Variants in HTR7 observed in about 807,000 individuals in gnomAD.
HTR7 encodes the protein 5-hydroxytryptamine receptor 7, also known as 5-HT-7.
A neutral mutation model predicts 34.0 loss-of-function variants in HTR7; 16 were observed. The observed-to-expected ratio is 0.47, with a 90% CI of 0.32 to 0.71. The LOEUF is 0.71. HTR7 is among the 30% of genes least tolerant of loss of function. The probability of loss-of-function intolerance (pLI) is 0.04; values close to 1 mark genes in which losing one functional copy is unlikely to be tolerated. For synonymous variants in HTR7, 265 were observed against 260.2 expected (o/e 1.02, Z -0.18); for missense variants, 504 against 625.5 (o/e 0.81, Z 2.07).
chr10:90,747,155 G>C (rs1214388487), intron 2 of HTR7, among the ~76,000 whole-genome samples: 2 of 152,190 alleles, frequency 1.3e-5, no homozygotes, highest in Non-Finnish European at 2.9e-5. Flanking sequence ...AAGTGGGGAT[G>C]CTAGAAGCAC....
intron 1 of HTR7, among the ~76,000 whole-genome samples, chr10:90,810,755 C>T (rs1440517122): frequency 6.6e-6 from 1 of 152,194 alleles, no homozygotes; most frequent in East Asian, 1.9e-4. Flanking sequence ...TGACACCCAT[C>T]ACGCTCAGCA....
At chr10:90,742,596 G>T in intron 3 of HTR7, 68 bp from the exon 4 acceptor site, 1 of 1,128,286 alleles carries the variant, frequency 8.9e-7, no homozygotes, top group South Asian at 1.3e-5. Flanking sequence ...TTCATTTTGT[G>T]GTAGGTGGAC....
intron 1 of HTR7, among the ~76,000 whole-genome samples, chr10:90,832,946 T>G (rs1465927548): frequency 1.3e-5 from 2 of 152,222 alleles, no homozygotes; most frequent in African/African-American, 4.8e-5. Context: ...CCACTCCCTC[T>G]GATATCCTTC....
At chr10:90,796,668 T>C (rs1845544668) in intron 1 of HTR7, among the ~76,000 whole-genome samples, 2 of 152,118 alleles carry the variant, frequency 1.3e-5, no homozygotes, top group South Asian at 4.2e-4. Flanking sequence ...GCTATGATTG[T>C]GCCACTAGAG....
At position 90,824,002 on chromosome 10, in the gene HTR7, T is replaced by C. The variant is rs571945236; in HGVS notation, c.539+33131A>G. Among the ~76,000 whole-genome samples the C allele has an allele frequency of 1.1e-4, 16 of 152,314 alleles. No individual in the cohort carries two copies. In the East Asian group the frequency reaches 2.5e-3, roughly 24 times the overall value. Reference sequence around the variant, plus strand: ...AATTAAACCCCTTTTCTTCATAAATTACTGAGTCTCAGGTAGTTCTTTATA... The same window carrying C: ...AATTAAACCCCTTTTCTTCATAAATCACTGAGTCTCAGGTAGTTCTTTATA... On this transcript the variant is annotated intron_variant, in intron 1 of 3. Transcript: ENST00000336152.
At chr10:90,796,762 A>G (rs1227134615) in intron 1 of HTR7, among the ~76,000 whole-genome samples, 2 of 152,200 alleles carry the variant, frequency 1.3e-5, no homozygotes, top group African/African-American at 4.8e-5. Flanking sequence ...TAATCCCATC[A>G]GTATGGGAGG....
At chr10:90,802,629 C>T (rs138299691) in intron 1 of HTR7, among the ~76,000 whole-genome samples, 187 of 152,268 alleles carry the variant, frequency 1.2e-3, no homozygotes, top group Non-Finnish European at 1.1e-3. Flanking sequence ...TCCGTAATAG[C>T]GTTATAGCTA....
At chr10:90,750,973 C>T (rs535748671) in intron 1 of HTR7, among the ~76,000 whole-genome samples, 58 of 152,244 alleles carry the variant, frequency 3.8e-4, no homozygotes, top group African/African-American at 1.3e-3. Context: ...GAAAATCCTG[C>T]GTGCAGGCAA....
At chr10:90,825,108 G>A (rs1846049132) in intron 1 of HTR7, among the ~76,000 whole-genome samples, 1 of 152,206 alleles carries the variant, frequency 6.6e-6, no homozygotes, top group African/African-American at 2.4e-5. Context: ...CCAGCTCCAG[G>A]CAACTCAACA....
At chr10:90,743,714 C>G (rs1315370393) in intron 2 of HTR7, 24 bp from the exon 3 acceptor site, 1 of 1,524,478 alleles carries the variant, frequency 6.6e-7, no homozygotes, top group African/African-American at 1.4e-5. Context: ...CAATTCAAAG[C>G]AAATCCATAA....
chr10:90,742,980 G>A (rs1414848673), intron 3 of HTR7, among the ~76,000 whole-genome samples: 6 of 151,856 alleles, frequency 4.0e-5, no homozygotes, highest in Admixed American at 1.3e-4. Flanking sequence ...TCTCTCCCTC[G>A]TTCCTAGATG....
chr10:90,806,453 G>C (rs1353779187), intron 1 of HTR7, among the ~76,000 whole-genome samples: 1 of 152,078 alleles, frequency 6.6e-6, no homozygotes, highest in Non-Finnish European at 1.5e-5. Flanking sequence ...CAAAAAATTA[G>C]CCGGGCGTGG....
chr10:90,844,725 TCAAAAAAAAAAAAAAAAAAAAAAA>T (rs1267547312), intron 1 of HTR7, among the ~76,000 whole-genome samples: 339 of 27,796 alleles, frequency 0.012, 8 homozygotes, highest in Non-Finnish European at 0.021. Context: ...AGACTCCGTC[TCAAAAAAAAAAAAAAAAAAAAAAA>T]AAAAAAAAAA....
At position 90,783,377 on chromosome 10, in the gene HTR7, T is replaced by C. The variant is rs538594057; in HGVS notation, c.540-33783A>G. Reference sequence around the variant, plus strand: ...GCAGCTTCAGTCTTACTCCCCACTTTGTAAAAGCCCTGTGTTTATTTCCTG... The same window carrying C: ...GCAGCTTCAGTCTTACTCCCCACTTCGTAAAAGCCCTGTGTTTATTTCCTG... On this transcript the variant is annotated intron_variant, in intron 1 of 3. Transcript: ENST00000336152. 2.1e-3 allele frequency among the ~76,000 whole-genome samples: 326 copies of C among 152,290 alleles called. 1 individual carries two copies. Among genetic ancestry groups the C allele is most frequent in the Middle Eastern group, 0.01 (3 of 294 alleles).
At chr10:90,823,990 T>C (rs1410097188) in intron 1 of HTR7, among the ~76,000 whole-genome samples, 5 of 152,228 alleles carry the variant, frequency 3.3e-5, no homozygotes, top group Non-Finnish European at 7.3e-5. Context: ...TAAACCCCTT[T>C]TCTTCATAAA....
At chr10:90,851,303 TATC>T (rs1454648212) in intron 1 of HTR7, among the ~76,000 whole-genome samples, 4 of 151,966 alleles carry the variant, frequency 2.6e-5, no homozygotes, top group African/African-American at 7.3e-5. Context: ...TCAGTGAAAA[TATC>T]ATTCAAAAAT....
rs192525682 is a variant in HTR7 at position 90,791,046 on chromosome 10, T to C, written c.540-41452A>G. Among the ~76,000 whole-genome samples the C allele has an allele frequency of 1.8e-4, 27 of 152,210 alleles. No individual in the cohort carries two copies. The East Asian group carries it at 5.0e-3, about 28-fold the overall frequency. ...AAAACACTCCCCTTCATCTCTTCCA[T>C]ATATTTTTATCAATCCTACATATAT... On this transcript the variant is annotated intron_variant, in intron 1 of 3. Coordinates refer to ENST00000336152, the MANE Select transcript of HTR7 (RefSeq NM_019859.4).
At position 90,857,017 on chromosome 10, in the gene HTR7, A is replaced by T; in HGVS notation, c.539+116T>A. ...TTGGGGGGAGCGGTGTTTTAAGCGCAGCCCTTCATCCCGCCTTGAAGTCTA... is the reference window on the plus strand; with the variant it reads ...TTGGGGGGAGCGGTGTTTTAAGCGCTGCCCTTCATCCCGCCTTGAAGTCTA... On this transcript the variant is annotated intron_variant, in intron 1 of 3. Transcript: ENST00000336152. This position sits in a 1 kb window ranked among gnomAD's most constrained non-coding sequence, Gnocchi z 6.5. 4.2e-6 allele frequency: 4 copies of T among 963,082 alleles called. No individual in the cohort carries two copies. The South Asian group carries it at 7.0e-5, about 17-fold the overall frequency. The allele number at this position is 963,082 out of a possible 1,614,324, so 59.7% of individuals were successfully genotyped here. A position where few individuals can be genotyped will look rare whatever the true frequency, so the allele number is the denominator to read the frequency against.
intron 1 of HTR7, among the ~76,000 whole-genome samples, chr10:90,816,034 T>C (rs1241991377): frequency 6.6e-6 from 1 of 152,084 alleles, no homozygotes; most frequent in Non-Finnish European, 1.5e-5. Context: ...CCTAATAAAA[T>C]GGAAATGGTT....
Sources: gnomAD v4.1 joint callset for allele counts (sites outside exome capture counted in the v4.1 genomes callset) on GRCh38, gnomAD v4.1.1 for gene constraint, Gnocchi (gnomAD v3.1) non-coding constraint, MANE v1.5 for transcripts, NCBI Gene and HGNC (gene_info 2026-07-23, HGNC 2026-07-21) for gene names.